The following POLR3B variants were observed in gnomAD, a reference collection of about 807,000 sequenced individuals.
The protein encoded by POLR3B is DNA-directed RNA polymerase III subunit RPC2.
In POLR3B, 96 loss-of-function variants were observed where a neutral mutation model predicts 147.4. The observed-to-expected ratio is 0.65, with a 90% CI of 0.55 to 0.77. The LOEUF is 0.77. POLR3B is among the 30% of genes least tolerant of loss of function. The pLI is 0.00. For synonymous variants in POLR3B, 461 were observed against 485.9 expected (o/e 0.95, Z 0.67); for missense variants, 1,036 against 1,413.5 (o/e 0.73, Z 4.28).
intron 1 of POLR3B, among the ~76,000 whole-genome samples, chr12:106,362,568 C>G (rs558561926): frequency 1.3e-5 from 2 of 152,276 alleles, no homozygotes; most frequent in East Asian, 1.9e-4. Flanking sequence ...TCACTGAGAC[C>G]TCTACCTTCA....
intron 23 of POLR3B, among the ~76,000 whole-genome samples, chr12:106,492,723 G>T (rs1434039575): frequency 6.6e-6 from 1 of 152,196 alleles, no homozygotes; most frequent in Non-Finnish European, 1.5e-5. Flanking sequence ...GATAGTGGAT[G>T]TCAGAAGTGC....
intron 21 of POLR3B, 49 bp from the exon 22 acceptor site, chr12:106,459,202 T>C (rs369601574): frequency 7.1e-5 from 74 of 1,039,784 alleles, no homozygotes; most frequent in Non-Finnish European, 1.0e-4. Context: ...AATCTTTGTA[T>C]TCCACACAGA....
At chr12:106,484,538 C>T (rs2137061481) in intron 23 of POLR3B, among the ~76,000 whole-genome samples, 1 of 152,080 alleles carries the variant, frequency 6.6e-6, no homozygotes, top group South Asian at 2.1e-4. Flanking sequence ...AGGAGGATCA[C>T]TTGAGCCCAG....
intron 23 of POLR3B, among the ~76,000 whole-genome samples, chr12:106,490,043 A>T (rs1308191378): frequency 6.6e-6 from 1 of 152,206 alleles, no homozygotes; most frequent in Non-Finnish European, 1.5e-5. Context: ...GTCCACACAG[A>T]TACCTTATTG....
At chr12:106,358,026 C>T (rs1021418313) in intron 1 of POLR3B, 75 bp downstream of exon 1, 26 of 1,582,932 alleles carry the variant, frequency 1.6e-5, no homozygotes, top group Middle Eastern at 2.2e-4. Context: ...GTGCTCGGGC[C>T]GCCAAGGGGG....
chr12:106,463,029 G>T (rs999877444), intron 22 of POLR3B, among the ~76,000 whole-genome samples: 4 of 152,034 alleles, frequency 2.6e-5, no homozygotes, highest in African/African-American at 9.7e-5. Context: ...AGGCTACCAG[G>T]ATCTGATACC....
intron 20 of POLR3B, among the ~76,000 whole-genome samples, chr12:106,456,635 G>A (rs902650019): frequency 6.6e-6 from 1 of 152,164 alleles, no homozygotes; most frequent in South Asian, 2.1e-4. Flanking sequence ...CCAAAAGGAT[G>A]TGTATCCTGG....
chr12:106,373,740 C>T (rs975428144), intron 6 of POLR3B, among the ~76,000 whole-genome samples: 4 of 151,204 alleles, frequency 2.6e-5, no homozygotes, highest in East Asian at 3.9e-4. Context: ...GGCAACAGAG[C>T]GAGACTCCAT....
intron 9 of POLR3B, among the ~76,000 whole-genome samples, chr12:106,392,157 TTTATTTTC>T (rs1233897064): frequency 6.6e-6 from 1 of 152,128 alleles, no homozygotes; most frequent in African/African-American, 2.4e-5. Context: ...TCCTACTTTT[TTTATTTTC>T]TTATTTTTTT....
At chr12:106,498,313 C>T (rs886539887) in intron 25 of POLR3B, among the ~76,000 whole-genome samples, 3 of 152,216 alleles carry the variant, frequency 2.0e-5, no homozygotes, top group African/African-American at 4.8e-5. Context: ...ACCGGCAGCC[C>T]GAGGTGAGGG....
chr12:106,491,987 A>G (rs529118371), intron 23 of POLR3B, among the ~76,000 whole-genome samples: 6 of 152,346 alleles, frequency 3.9e-5, no homozygotes, highest in African/African-American at 1.4e-4. Flanking sequence ...ACTGGCCATC[A>G]GCAAAATTGA....
intron 8 of POLR3B, 29 bp from the exon 9 acceptor site, chr12:106,380,002 C>A: frequency 7.6e-7 from 1 of 1,315,916 alleles, no homozygotes; most frequent in Non-Finnish European, 1.1e-6. Flanking sequence ...AGTGGGGATG[C>A]AGTTTAACCA....
chr12:106,430,204 G>A lies in POLR3B; in HGVS notation c.1264-69G>A. On this transcript the variant is annotated intron_variant, in intron 13 of 27. Coordinates refer to ENST00000228347, the MANE Select transcript of POLR3B (RefSeq NM_018082.6). ...AAGCTCCTGTAATGAACTTCTTGGA[G>A]TGACCGCACGGTATCAGACAACATA... The A allele has an allele frequency of 3.4e-6, 4 of 1,185,466 alleles. No homozygotes were observed. The South Asian group carries it at 4.9e-5, about 14-fold the overall frequency. The allele number at this position is 1,185,466 out of a possible 1,614,324, so 73.4% of individuals were successfully genotyped here.
At chr12:106,494,084 C>T (rs2038441888) in intron 23 of POLR3B, among the ~76,000 whole-genome samples, 1 of 152,100 alleles carries the variant, frequency 6.6e-6, no homozygotes, top group Admixed American at 6.5e-5. Context: ...GGAAGCTCTG[C>T]ACTAAATATT....
Position 106,366,506 on chromosome 12 carries a change from A to C in POLR3B, c.106-10A>C, listed in dbSNP as rs759803178. ...GCTAACCTGTTTACTTTCTCTTTCT[A>C]TCTGTTTAGGTGAAAGGCCTTGTGA... On this transcript the variant is annotated splice_polypyrimidine_tract_variant and intron_variant, in intron 2 of 27. Coordinates refer to ENST00000228347, the MANE Select transcript of POLR3B (RefSeq NM_018082.6). The C allele has an allele frequency of 6.3e-7, 1 of 1,594,246 alleles. No homozygotes were observed. Among genetic ancestry groups the C allele is most frequent in the East Asian group, 2.2e-5 (1 of 44,748 alleles).
At chr12:106,431,761 T>G (rs1225934815) in intron 14 of POLR3B, among the ~76,000 whole-genome samples, 1 of 152,222 alleles carries the variant, frequency 6.6e-6, no homozygotes, top group Non-Finnish European at 1.5e-5. Context: ...TTTTTTCTGA[T>G]CCAGAATCAC....
intron 4 of POLR3B, among the ~76,000 whole-genome samples, chr12:106,366,955 T>C (rs1593000177): frequency 2.0e-5 from 3 of 152,178 alleles, no homozygotes; most frequent in East Asian, 3.9e-4. Context: ...AATACAAAAT[T>C]AGCCAGGCGT....
At chr12:106,390,209 C>T (rs1377600135) in intron 9 of POLR3B, among the ~76,000 whole-genome samples, 3 of 142,310 alleles carry the variant, frequency 2.1e-5, no homozygotes, top group African/African-American at 8.1e-5. Flanking sequence ...CAGAGTAAGA[C>T]TCTGTCTCTG....
intron 12 of POLR3B, among the ~76,000 whole-genome samples, chr12:106,419,781 A>G (rs1215857376): frequency 8.5e-6 from 1 of 117,322 alleles, no homozygotes; most frequent in Admixed American, 9.6e-5. Flanking sequence ...AGTGAGCCAG[A>G]TATTTAGTTT....
Sources: gnomAD v4.1 joint callset for allele counts (sites outside exome capture counted in the v4.1 genomes callset) on GRCh38, gnomAD v4.1.1 for gene constraint, MANE v1.5 for transcripts, NCBI Gene and HGNC (gene_info 2026-07-23, HGNC 2026-07-21) for gene names.